Variants in RMDN1 observed in about 807,000 individuals in gnomAD.
The protein encoded by RMDN1 is regulator of microtubule dynamics protein 1.
A neutral mutation model predicts 48.9 loss-of-function variants in RMDN1; 48 were observed. The observed-to-expected ratio is 0.98, with a 90% CI of 0.78 to 1.25. The LOEUF (loss-of-function observed/expected upper bound fraction) is 1.25, where lower values mean the gene tolerates loss of function less well. Ranked by LOEUF, RMDN1 falls within the 50% of genes most tolerant of loss-of-function variation. The pLI is 0.00. For synonymous variants in RMDN1, 148 were observed against 132.6 expected (o/e 1.12, Z -0.80); for missense variants, 418 against 373.4 (o/e 1.12, Z -0.98).
chr8:86,508,737 C>CCTCTTCCGCCTCCTGCACAGCAT (rs1819857794), upstream of RMDN1: 5 of 1,397,716 alleles, frequency 3.6e-6, no homozygotes, highest in East Asian at 1.4e-4. Flanking sequence ...CTGCACAGCA[C>CCTCTTCCGCCTCCTGCACAGCAT]CTCTTCCGCC....
rs144513651 is a variant in RMDN1 at position 86,486,547 on chromosome 8, A to C, written c.432T>G (p.Tyr144Ter). ...TSEEEKKLLV[Y>*]EALEYAKRAL... is the part of the protein sequence containing the mutation. The stretch of plus-strand genomic sequence containing the variant: ...CTCTTTTTGCATACTCTAGGGCTTC[A>C]TACACCAATAGCTTTTTCTCCTCTT... Residue 144 changes from tyrosine (Y) to a stop codon, truncating the protein, a stop_gained, in exon 4 of 10, where the codon TAT becomes TAG. Coordinates refer to ENST00000406452, the MANE Select transcript of RMDN1 (RefSeq NM_016033.3). LOFTEE classifies it high-confidence loss of function. 200 of 1,612,470 alleles carry C rather than the reference A, an allele frequency of 1.2e-4. 1 individual carries two copies. The South Asian group carries it at 1.9e-3, about 16-fold the overall frequency.
chr8:86,492,477 A>C (rs1393060225), intron 2 of RMDN1, among the ~76,000 whole-genome samples: 3 of 151,864 alleles, frequency 2.0e-5, no homozygotes, highest in Non-Finnish European at 4.4e-5. Context: ...ACATGGTGAA[A>C]CCCCATCTCT....
chr8:86,470,133 A>C (rs1458568505), downstream of RMDN1: 16 of 1,273,386 alleles, frequency 1.3e-5, no homozygotes, highest in Non-Finnish European at 1.6e-5. Context: ...TCATATCCTC[A>C]AAAGGAAGGA....
intron 5 of RMDN1, chr8:86,481,901 G>C (rs750630485): frequency 9.8e-5 from 76 of 774,238 alleles, no homozygotes; most frequent in Non-Finnish European, 1.5e-4. Context: ...CAACAAAGTG[G>C]GGTGGCTCGG....
chr8:86,504,766 C>A (rs1312410534), intron 2 of RMDN1: 2 of 1,049,928 alleles, frequency 1.9e-6, no homozygotes, highest in African/African-American at 1.6e-5. Context: ...AGCCAGGGCC[C>A]CCGCCCAGCT....
chr8:86,504,950 T>C, intron 2 of RMDN1: 2 of 1,325,752 alleles, frequency 1.5e-6, no homozygotes, highest in Admixed American at 1.7e-5. Flanking sequence ...GCAGGGCTTT[T>C]GAGGATATCA....
upstream of RMDN1, chr8:86,508,876 T>C (rs1819877259): frequency 7.7e-6 from 8 of 1,044,868 alleles, no homozygotes; most frequent in Non-Finnish European, 8.5e-6. Context: ...GTGAGAGCGC[T>C]CTCTTCAGGC....
At chr8:86,474,621 C>T (rs772413442) in intron 9 of RMDN1, 199 bp downstream of exon 9, 30 of 729,760 alleles carry the variant, frequency 4.1e-5, no homozygotes, top group Non-Finnish European at 5.6e-5. Flanking sequence ...GCAGGCAACC[C>T]GTAACATCCA....
Position 86,507,129 on chromosome 8 carries a change from G to A in RMDN1, c.130-17C>T. 1 of 1,480,000 alleles carries A rather than the reference G, an allele frequency of 6.8e-7. No individual in the cohort carries two copies. Among genetic ancestry groups the A allele is most frequent in the South Asian group, 1.1e-5 (1 of 87,620 alleles). The allele number at this position is 1,480,000 out of a possible 1,614,324, so 91.7% of individuals were successfully genotyped here. On this transcript the variant is annotated splice_polypyrimidine_tract_variant and intron_variant, in intron 1 of 9. Coordinates refer to ENST00000406452, the MANE Select transcript of RMDN1 (RefSeq NM_016033.3). ...TCCCATTACCTATGGAAACAATTAT[G>A]TTAAGAGTTACAAACTTTGAAAATT...
chr8:86,502,721 C>G (rs141628320), intron 2 of RMDN1, among the ~76,000 whole-genome samples: 1 of 152,046 alleles, frequency 6.6e-6, no homozygotes, highest in Non-Finnish European at 1.5e-5. Flanking sequence ...TATAACACCC[C>G]GGGATTGGTT....
intron 9 of RMDN1, 144 bp downstream of exon 9, chr8:86,474,676 G>A (rs1167690136): frequency 1.2e-6 from 1 of 851,144 alleles, no homozygotes; most frequent in East Asian, 2.5e-5. Flanking sequence ...AAATATAAAT[G>A]TCAATCAATT....
chr8:86,495,712 G>A (rs1297550661), intron 2 of RMDN1, among the ~76,000 whole-genome samples: 1 of 152,076 alleles, frequency 6.6e-6, no homozygotes, highest in East Asian at 1.9e-4. Context: ...TTTTGAAGCT[G>A]GACCCCCACA....
chr8:86,493,522 G>C (rs7459897), intron 2 of RMDN1, among the ~76,000 whole-genome samples: 76,733 of 152,028 alleles, frequency 0.5, 19,842 homozygotes, highest in Admixed American at 0.61. Flanking sequence ...TTCTGTCATT[G>C]TGTCATTTGT....
At chr8:86,506,905 A>G (rs763124204) in intron 2 of RMDN1, 90 bp downstream of exon 2, 2 of 702,428 alleles carry the variant, frequency 2.8e-6, no homozygotes, top group Non-Finnish European at 5.0e-6. Flanking sequence ...TATTATTAAC[A>G]TTACCCTGAT....
intron 2 of RMDN1, among the ~76,000 whole-genome samples, chr8:86,489,918 G>A (rs919591332): frequency 4.0e-5 from 6 of 148,830 alleles, no homozygotes; most frequent in East Asian, 1.9e-4. Context: ...ATGCAATCGT[G>A]TTTTTAAGTT....
At chr8:86,498,734 T>C (rs565660909) in intron 2 of RMDN1, among the ~76,000 whole-genome samples, 4 of 152,216 alleles carry the variant, frequency 2.6e-5, no homozygotes, top group Middle Eastern at 3.4e-3. Context: ...TGAGCCAAGA[T>C]TGCACTACTG....
At position 86,473,157 on chromosome 8, in the gene RMDN1, T is replaced by G; in HGVS notation, c.*1151A>C. On this transcript the variant is annotated 3_prime_UTR_variant, in exon 10 of 10. Coordinates refer to ENST00000406452, the MANE Select transcript of RMDN1 (RefSeq NM_016033.3). ...AGATCACTACTTTCAGTTTTCCTTT[T>G]TGTTTGAAAATGTACATGACAAACA... 1.0e-6 allele frequency: 1 copy of G among 985,392 alleles called. No homozygotes were observed. The highest frequency in any genetic ancestry group is 1.2e-6 in the Non-Finnish European group (1 of 829,886). The allele number at this position is 985,392 out of a possible 1,614,324, so 61.0% of individuals were successfully genotyped here.
chr8:86,485,793 G>A (rs1005630659), intron 4 of RMDN1, among the ~76,000 whole-genome samples: 17 of 152,100 alleles, frequency 1.1e-4, no homozygotes, highest in African/African-American at 4.1e-4. Flanking sequence ...GCTGTGGAAA[G>A]TCACAAGACT....
chr8:86,480,160 C>T (rs1330231727), intron 6 of RMDN1, 117 bp downstream of exon 6: 2 of 531,948 alleles, frequency 3.8e-6, no homozygotes, highest in African/African-American at 3.9e-5. Flanking sequence ...ACTCTAAGCT[C>T]TGTCAGATAA....
Sources: gnomAD v4.1 joint callset for allele counts (sites outside exome capture counted in the v4.1 genomes callset) on GRCh38, gnomAD v4.1.1 for gene constraint, MANE v1.5 for transcripts, NCBI Gene and HGNC (gene_info 2026-07-23, HGNC 2026-07-21) for gene names.